NDRG2: variants seen among roughly 807,000 people sequenced by gnomAD.
NDRG2 encodes NDRG family member 2.
In NDRG2, 34 loss-of-function variants were observed where a neutral mutation model predicts 58.2. The observed-to-expected ratio is 0.58, with a 90% CI of 0.44 to 0.78. The LOEUF (loss-of-function observed/expected upper bound fraction) is 0.78, where lower values mean the gene tolerates loss of function less well. Ranked by LOEUF, NDRG2 falls within the 30% of genes least tolerant of loss-of-function variation. The probability of loss-of-function intolerance (pLI) is 0.00; values close to 1 mark genes in which losing one functional copy is unlikely to be tolerated. For synonymous variants in NDRG2, 187 were observed against 175.9 expected (o/e 1.06, Z -0.50); for missense variants, 434 against 471.2 (o/e 0.92, Z 0.73).
At chr14:21,052,161 T>C (rs1395920510) in intron 1 of NDRG2, among the ~76,000 whole-genome samples, 1 of 152,192 alleles carries the variant, frequency 6.6e-6, no homozygotes, top group Non-Finnish European at 1.5e-5. Context: ...ACTGAGAGGA[T>C]CAGAGTGATG....
intron 1 of NDRG2, among the ~76,000 whole-genome samples, chr14:21,069,101 C>G (rs1886465574): frequency 6.6e-6 from 1 of 152,260 alleles, no homozygotes; most frequent in Admixed American, 6.5e-5. Context: ...TCCCTTCCGT[C>G]CACCCTTTAG....
intron 3 of NDRG2, 45 bp from the exon 4 acceptor site, chr14:21,022,542 G>C: frequency 7.0e-7 from 1 of 1,437,082 alleles, no homozygotes; most frequent in Non-Finnish European, 9.8e-7. Context: ...GAGGAGACGA[G>C]GCCAGAAAAG....
chr14:21,047,490 A>G, intron 1 of NDRG2, among the ~76,000 whole-genome samples: 1 of 152,232 alleles, frequency 6.6e-6, no homozygotes, highest in Non-Finnish European at 1.5e-5. Flanking sequence ...GAATTTGACT[A>G]TTCAGCCTTC....
intron 1 of NDRG2, chr14:21,023,560 G>T (rs1882041789): frequency 1.9e-6 from 1 of 515,882 alleles, no homozygotes; most frequent in Non-Finnish European, 3.5e-6. Flanking sequence ...CATCCCCACT[G>T]CCACCCTCAA....
chr14:21,025,784 T>C (rs1883522406), upstream of NDRG2: 12 of 789,154 alleles, frequency 1.5e-5, no homozygotes, highest in African/African-American at 2.4e-5. This position sits in a 1 kb window ranked among gnomAD's most constrained non-coding sequence, Gnocchi z 5.1. Context: ...CCGCTATAAA[T>C]AGAGGGCGAT....
rs373515921 is a variant in NDRG2 at position 21,043,182 on chromosome 14, C to T, written c.25-19861G>A. 38 of 1,614,074 alleles carry T rather than the reference C, an allele frequency of 2.4e-5. No homozygotes were observed. The African/African-American group carries it at 4.0e-4, about 17-fold the overall frequency. On this transcript the variant is annotated intron_variant, in intron 1 of 14. Coordinates refer to the NDRG2 transcript ENST00000403829. Reference sequence around the variant, plus strand: ...GAAAAACATTAACAAGCACACAAAACGGTGCAAAGACCTCAACACCTTCCT... The same window carrying T: ...GAAAAACATTAACAAGCACACAAAATGGTGCAAAGACCTCAACACCTTCCT...
Position 21,024,896 on chromosome 14 carries a change from A to T in NDRG2, c.-873T>A. On this transcript the variant is annotated 5_prime_UTR_variant, in exon 1 of 16. Coordinates refer to ENST00000556147, the MANE Select transcript of NDRG2 (RefSeq NM_001320329.2). ...TGGAGCCTCAGCCTTTGTGCGCAGC[A>T]ACCGAGCGCCCGCTCCGTGCTGGCC... is the stretch of plus-strand genomic sequence containing the variant. 1 of 985,546 alleles carries T rather than the reference A, an allele frequency of 1.0e-6. No homozygotes were observed. The allele number at this position is 985,546 out of a possible 1,614,324, so 61.1% of individuals were successfully genotyped here.
rs753400368 is a variant in NDRG2 at position 21,023,245 on chromosome 14, G to A, written c.71C>T (p.Ala24Val). Residue 24 changes from alanine to valine, a missense_variant, in exon 2 of 16, where the codon GCC (alanine) becomes GTC (valine). Ala to Val is a moderately conservative substitution (Grantham distance 64, BLOSUM62 0). Transcript: ENST00000556147. ...PLLPGQTPEA[A>V]KEAELAARIL... ...AGTCAAACGGTCTCTAATAACCTTGGCCGCCTCAGGCGTCTGTCCTGGCAA... is the reference window on the plus strand; with the variant it reads ...AGTCAAACGGTCTCTAATAACCTTGACCGCCTCAGGCGTCTGTCCTGGCAA... 3 of 1,613,786 alleles carry A rather than the reference G, an allele frequency of 1.9e-6. No homozygotes were observed. The highest frequency in any genetic ancestry group is 1.7e-4 in the Middle Eastern group (1 of 6,058).
chr14:21,030,651 GA>G (rs975443804), upstream of NDRG2: 3 of 1,613,960 alleles, frequency 1.9e-6, no homozygotes, highest in African/African-American at 4.0e-5. Context: ...CAGTGGCACT[GA>G]AATGAACAAC....
chr14:21,059,716 T>A (rs906087531), intron 1 of NDRG2, among the ~76,000 whole-genome samples: 1 of 136,708 alleles, frequency 7.3e-6, no homozygotes. Context: ...CCCGGGCTGG[T>A]CTCAAACTCC....
At chr14:21,043,760 C>T (rs1036624160) in intron 1 of NDRG2, 1 of 313,690 alleles carries the variant, frequency 3.2e-6, no homozygotes, top group East Asian at 6.0e-5. Context: ...ATTAGGGCAG[C>T]ATGACAAGGA....
upstream of NDRG2, chr14:21,025,541 A>G: frequency 1.0e-6 from 1 of 985,276 alleles, no homozygotes; most frequent in East Asian, 1.1e-4. This position sits in a 1 kb window ranked among gnomAD's most constrained non-coding sequence, Gnocchi z 5.1. Context: ...AGAAAGGAGG[A>G]GGTGGGCGGG....
chr14:21,035,636 A>G (rs17242881), intron 1 of NDRG2, among the ~76,000 whole-genome samples: 16,982 of 152,182 alleles, frequency 0.11, 1,068 homozygotes, highest in Non-Finnish European at 0.14. Flanking sequence ...CAACACCCTC[A>G]GTATAGCTCA....
intron 1 of NDRG2, among the ~76,000 whole-genome samples, chr14:21,040,033 T>C (rs1161917217): frequency 6.6e-6 from 1 of 152,234 alleles, no homozygotes; most frequent in Non-Finnish European, 1.5e-5. Context: ...GACTGGCCTG[T>C]GCTGATACAC....
At chr14:21,040,736 C>G (rs114378777) in intron 1 of NDRG2, among the ~76,000 whole-genome samples, 69 of 152,298 alleles carry the variant, frequency 4.5e-4, no homozygotes, top group African/African-American at 1.7e-3. Flanking sequence ...CAGTGCTAGT[C>G]TCTTCACTTG....
chr14:21,058,134 C>T (rs771518570), intron 1 of NDRG2: 1 of 1,614,192 alleles, frequency 6.2e-7, no homozygotes, highest in Admixed American at 1.7e-5. Flanking sequence ...GTGGCCATCA[C>T]CTGCCAGACC....
At chr14:21,045,039 A>G (rs1474105894) in intron 1 of NDRG2, among the ~76,000 whole-genome samples, 1 of 152,232 alleles carries the variant, frequency 6.6e-6, no homozygotes, top group African/African-American at 2.4e-5. Context: ...AATGCTATCT[A>G]TGAAACGCTT....
At chr14:21,018,420 A>G in intron 13 of NDRG2, 37 bp downstream of exon 13, 1 of 1,612,840 alleles carries the variant, frequency 6.2e-7, no homozygotes, top group Non-Finnish European at 8.5e-7. Flanking sequence ...GAGAGGATAT[A>G]TGACTGTGGA....
chr14:21,025,227 T>A (rs1227238333), upstream of NDRG2: 1 of 855,098 alleles, frequency 1.2e-6, no homozygotes, highest in African/African-American at 1.8e-5. The surrounding 1 kb of genome is among the most constrained non-coding windows in gnomAD (Gnocchi z 5.1). Context: ...AGGGTTGTGC[T>A]GGGGCCGGGG....
Sources: allele counts gnomAD v4.1 joint callset (sites outside exome capture counted in the v4.1 genomes callset), GRCh38; gene constraint gnomAD v4.1.1; non-coding constraint Gnocchi (gnomAD v3.1); transcripts MANE v1.5; gene names NCBI Gene and HGNC (gene_info 2026-07-23, HGNC 2026-07-21).